The following LMO4 variants were observed in gnomAD, a reference collection of about 807,000 sequenced individuals.
The protein encoded by LMO4 is LIM domain only 4, also known as LIM domain transcription factor LMO4.
A neutral mutation model predicts 18.5 loss-of-function variants in LMO4; 3 were observed. The observed-to-expected ratio is 0.16, with a 90% CI of 0.07 to 0.42. The LOEUF (loss-of-function observed/expected upper bound fraction) is 0.42. LMO4 is among the 10% of genes least tolerant of loss of function. LMO4 has a pLI of 0.99. For synonymous variants in LMO4, 100 were observed against 88.1 expected, an observed-to-expected ratio of 1.14 and a Z score of -0.76; for missense variants, 121 against 219.9, an observed-to-expected ratio of 0.55 and a Z score of 2.84.
intron 2 of LMO4, among the ~76,000 whole-genome samples, chr1:87,336,977 A>ACACACACACAC (rs1553157571): frequency 1.1e-4 from 16 of 151,878 alleles, no homozygotes; most frequent in East Asian, 7.8e-4. Flanking sequence ...GTTGTGAAAA[A>ACACACACACAC]ACACACACAC....
intron 1 of LMO4, among the ~76,000 whole-genome samples, chr1:87,330,600 C>T (rs1301054949): frequency 1.3e-5 from 2 of 152,114 alleles, no homozygotes; most frequent in African/African-American, 2.4e-5. Context: ...TAAAATCGGC[C>T]TATTTAAGGA....
At chr1:87,343,396 G>C (rs1557616907) in intron 4 of LMO4, among the ~76,000 whole-genome samples, 1 of 152,166 alleles carries the variant, frequency 6.6e-6, no homozygotes, top group Non-Finnish European at 1.5e-5. Context: ...GGCTTGGCTA[G>C]CTTTGGGAGA....
intron 1 of LMO4, chr1:87,331,720 C>G (rs758528037): frequency 2.4e-5 from 10 of 415,596 alleles, no homozygotes; most frequent in Non-Finnish European, 4.3e-5. Context: ...AGCCTGCTCT[C>G]GGAGTTTTGA....
intron 1 of LMO4, chr1:87,331,229 A>T (rs1360300031): frequency 6.6e-6 from 1 of 152,136 alleles, no homozygotes; most frequent in Admixed American, 6.5e-5. Flanking sequence ...AAACCCAGAG[A>T]AAACACTCAT....
At chr1:87,335,975 T>A (rs1053484088) in intron 2 of LMO4, among the ~76,000 whole-genome samples, 4 of 151,846 alleles carry the variant, frequency 2.6e-5, no homozygotes, top group Non-Finnish European at 5.9e-5. Flanking sequence ...AGGCCTCCAA[T>A]TCACTTGGGG....
At position 87,337,111 on chromosome 1, in the gene LMO4, G is replaced by C. The variant is rs551596043; in HGVS notation, c.237-2425G>C. On this transcript the variant is annotated intron_variant, in intron 2 of 4. Transcript: ENST00000370544. ...TCTGCTCTGAGGCAGCCTTAAAGCT[G>C]TAGGCATGGAAAGATCTTAAACTCC... Among the ~76,000 whole-genome samples, 81 of 152,316 alleles carry C rather than the reference G, an allele frequency of 5.3e-4. 2 individuals carry two copies. In the Middle Eastern group the frequency reaches 0.017, roughly 32 times the overall value.
At chr1:87,331,784 G>C in intron 1 of LMO4, 1 of 557,406 alleles carries the variant, frequency 1.8e-6, no homozygotes, top group Non-Finnish European at 3.2e-6. Context: ...GTTGAGAGGA[G>C]CTCGTGGCCC....
chr1:87,340,338 C>T, intron 4 of LMO4, 136 bp downstream of exon 4: 4 of 722,210 alleles, frequency 5.5e-6, no homozygotes, highest in South Asian at 4.2e-5. Context: ...ACTAGTTGTA[C>T]ATAGAGTGTT....
chr1:87,342,933 A>G (rs1020658768), intron 4 of LMO4, among the ~76,000 whole-genome samples: 3 of 152,196 alleles, frequency 2.0e-5, no homozygotes, highest in Non-Finnish European at 4.4e-5. Flanking sequence ...GAGAAATGAC[A>G]AATGGCTTCG....
At chr1:87,338,373 A>G (rs1054903483) in intron 2 of LMO4, among the ~76,000 whole-genome samples, 1 of 152,212 alleles carries the variant, frequency 6.6e-6, no homozygotes, top group African/African-American at 2.4e-5. Flanking sequence ...CAATATGTTA[A>G]TTTGTAAGTC....
At chr1:87,330,405 A>G (rs1557612207) in intron 1 of LMO4, among the ~76,000 whole-genome samples, 1 of 152,240 alleles carries the variant, frequency 6.6e-6, no homozygotes, top group African/African-American at 2.4e-5. Context: ...GAGTAAATGC[A>G]TCAGATAAAT....
Position 87,346,283 on chromosome 1 carries a change from A to G in LMO4, c.*1487A>G, listed in dbSNP as rs1014852329. The G allele has an allele frequency of 6.6e-6, 1 of 152,232 alleles. No individual in the cohort carries two copies. Among genetic ancestry groups the G allele is most frequent in the African/African-American group, 2.4e-5 (1 of 41,450 alleles). 9.4% of individuals were successfully genotyped at this position (152,232 alleles called of 1,614,324 possible). A position where few individuals can be genotyped will look rare whatever the true frequency, so the allele number is the denominator to read the frequency against. ...GCTGGTTGCAGGCAGCAGAGTGTCC[A>G]CCACAGTGCCTGCACTGCCCGCAGA... is the stretch of plus-strand genomic sequence containing the variant. On this transcript the variant is annotated 3_prime_UTR_variant, in exon 5 of 5. Transcript: ENST00000370544.
intron 1 of LMO4, among the ~76,000 whole-genome samples, chr1:87,329,562 G>T (rs1650069480): frequency 7.4e-6 from 1 of 135,844 alleles, no homozygotes; most frequent in South Asian, 2.7e-4. Flanking sequence ...GGGGTGCTTA[G>T]ATGAGGATTT....
intron 4 of LMO4, among the ~76,000 whole-genome samples, chr1:87,344,013 T>C (rs1260733325): frequency 1.3e-5 from 2 of 152,378 alleles, no homozygotes; most frequent in East Asian, 1.9e-4. Context: ...CACCCTTGCA[T>C]TGAACTATGT....
In LMO4 at chr1:87,348,368, T is replaced by C. The variant is rs1006863066; in HGVS notation, c.*3572T>C. ...GCCATTTACAAGTTAATGTTACTTATAGCTTTGTTACTAAGACTCACCTAT... is the reference window on the plus strand; with the variant it reads ...GCCATTTACAAGTTAATGTTACTTACAGCTTTGTTACTAAGACTCACCTAT... On this transcript the variant is annotated 3_prime_UTR_variant, in exon 5 of 5. Transcript: ENST00000370544. 5 of 245,010 alleles carry C rather than the reference T, an allele frequency of 2.0e-5. No homozygotes were observed. Among genetic ancestry groups the C allele is most frequent in the South Asian group, 1.1e-4 (2 of 18,766 alleles). 15.2% of individuals were successfully genotyped at this position (245,010 alleles called of 1,614,324 possible). A position where few individuals can be genotyped will look rare whatever the true frequency, so the allele number is the denominator to read the frequency against.
chr1:87,332,186 G>T lies in LMO4; in HGVS notation c.171G>T (p.Leu57=). 6.2e-7 allele frequency: 1 copy of T among 1,614,222 alleles called. No homozygotes were observed. Among genetic ancestry groups the T allele is most frequent in the South Asian group, 1.1e-5 (1 of 91,088 alleles). Residue 57 remains leucine (L), a synonymous_variant, in exon 2 of 5, where the codon CTG becomes CTT. Transcript: ENST00000370544. ...AGTGCTCCTGCTGCCAGGCGCAGCT[G>T]GGCGACATCGGCACGTCCTGTTACA... The part of the protein sequence containing the change: ...CLKCSCCQAQ[L]GDIGTSCYTK...
At chr1:87,344,474 A>G (rs191445339) in intron 4 of LMO4, among the ~76,000 whole-genome samples, 5 of 152,370 alleles carry the variant, frequency 3.3e-5, no homozygotes, top group Non-Finnish European at 7.3e-5. Context: ...GCTGGGCAAG[A>G]TGTTACATTC....
In LMO4 at chr1:87,346,630, TC is replaced by T; in HGVS notation, c.*1836del. On this transcript the variant is annotated 3_prime_UTR_variant, in exon 5 of 5. Coordinates refer to ENST00000370544, the MANE Select transcript of LMO4 (RefSeq NM_006769.4). ...CCCTTTGAGAACTTCTGTGCTCACT[TC>T]CTGTTTTCAGAGATTCCAGGGCAGG... 6.9e-6 allele frequency: 1 copy of T among 144,126 alleles called. No homozygotes were observed. The highest frequency in any genetic ancestry group is 1.5e-5 in the Non-Finnish European group (1 of 67,972). The allele number at this position is 144,126 out of a possible 1,614,324, so 8.9% of individuals were successfully genotyped here.
At chr1:87,341,634 C>T (rs3766026) in intron 4 of LMO4, among the ~76,000 whole-genome samples, 17,841 of 152,024 alleles carry the variant, frequency 0.12, 1,408 homozygotes, top group African/African-American at 0.22. Context: ...CTTATATTTG[C>T]CCTTTTCCCT....
Sources: allele counts gnomAD v4.1 joint callset (sites outside exome capture counted in the v4.1 genomes callset), GRCh38; gene constraint gnomAD v4.1.1; transcripts MANE v1.5; gene names NCBI Gene and HGNC (gene_info 2026-07-23, HGNC 2026-07-21).